FSD2: variants seen among roughly 807,000 people sequenced by gnomAD.
FSD2 encodes fibronectin type III and SPRY domain-containing protein 2.
In FSD2, 71 loss-of-function variants were observed where a neutral mutation model predicts 80.4. The observed-to-expected ratio is 0.88, with a 90% CI of 0.73 to 1.08. The LOEUF is 1.08. Ranked by LOEUF, FSD2 falls within the 50% of genes least tolerant of loss-of-function variation. The pLI is 0.00. For synonymous variants in FSD2, 361 were observed against 329.5 expected, an observed-to-expected ratio of 1.10 and a Z score of -1.03; for missense variants, 923 against 913.8, an observed-to-expected ratio of 1.01 and a Z score of -0.13.
chr15:82,789,454 A>T (rs372952450), intron 1 of FSD2, among the ~76,000 whole-genome samples: 2 of 151,912 alleles, frequency 1.3e-5, no homozygotes, highest in Non-Finnish European at 2.9e-5. Flanking sequence ...TAGGCAGTTT[A>T]TATATACATT....
At chr15:82,791,328 T>C (rs758099875) in intron 1 of FSD2, among the ~76,000 whole-genome samples, 2 of 151,622 alleles carry the variant, frequency 1.3e-5, no homozygotes, top group Non-Finnish European at 2.9e-5. Context: ...CTCACACATA[T>C]GTGCAGTGAT....
rs191890763 is a variant in FSD2 at position 82,797,942 on chromosome 15, A to T, written c.-79+8024T>A. ...AAAAGAGTTTAATATTCAGAGATGT[A>T]TGGTCCCAGGAGAACAAGAGAAAAT... On this transcript the variant is annotated intron_variant, in intron 1 of 12. Transcript: ENST00000334574. Among the ~76,000 whole-genome samples the T allele has an allele frequency of 1.1e-4, 17 of 152,318 alleles. No homozygotes were observed. In the East Asian group the frequency reaches 3.3e-3, roughly 29 times the overall value.
rs1176070936 is a variant in FSD2 at position 82,756,888 on chromosome 15, C to G, written c.*2460G>C. ...TAATTTTTAAAAACTCTTTTTTTTGCTTTGTTTTTTAACAGACTTATCAGC... is the reference window on the plus strand; with the variant it reads ...TAATTTTTAAAAACTCTTTTTTTTGGTTTGTTTTTTAACAGACTTATCAGC... On this transcript the variant is annotated 3_prime_UTR_variant, in exon 13 of 13. Transcript: ENST00000334574. 1 of 151,962 alleles carries G rather than the reference C, an allele frequency of 6.6e-6. No individual in the cohort carries two copies. The highest frequency in any genetic ancestry group is 2.4e-5 in the African/African-American group (1 of 41,400). The allele number at this position is 151,962 out of a possible 1,614,324, so 9.4% of individuals were successfully genotyped here.
intron 7 of FSD2, among the ~76,000 whole-genome samples, chr15:82,770,539 C>T (rs948618587): frequency 2.6e-5 from 4 of 152,114 alleles, no homozygotes; most frequent in African/African-American, 9.7e-5. Context: ...GGCGTGGTGG[C>T]ATTTGCCTGT....
At chr15:82,760,147 T>C (rs982822946) in intron 12 of FSD2, among the ~76,000 whole-genome samples, 1 of 152,176 alleles carries the variant, frequency 6.6e-6, no homozygotes, top group East Asian at 1.9e-4. Context: ...CCTAAGAAAT[T>C]TACCTATAGC....
intron 9 of FSD2, among the ~76,000 whole-genome samples, chr15:82,768,575 C>T (rs2049478743): frequency 6.6e-6 from 1 of 151,412 alleles, no homozygotes; most frequent in Admixed American, 6.6e-5. Flanking sequence ...CCTGACACCA[C>T]CCAGGCACTC....
intron 1 of FSD2, among the ~76,000 whole-genome samples, chr15:82,801,191 G>C (rs892476968): frequency 6.6e-6 from 1 of 152,182 alleles, no homozygotes; most frequent in Non-Finnish European, 1.5e-5. Context: ...AAGAACCCAG[G>C]ATGCTGGAAA....
At chr15:82,798,958 G>A (rs1426563122) in intron 1 of FSD2, among the ~76,000 whole-genome samples, 1 of 141,844 alleles carries the variant, frequency 7.1e-6, no homozygotes, top group Non-Finnish European at 1.5e-5. Flanking sequence ...GCTCACTGCA[G>A]CCTTGACCTT....
Position 82,772,095 on chromosome 15 carries a change from G to A in FSD2, c.1245C>T (p.Ser415=), listed in dbSNP as rs1055730919. The part of the protein sequence containing the change: ...YQLSYRPVQD[S]SPGTDQAEFT... ...CACCTGCTTGGTCCGTCCCAGGTGA[G>A]CTGTCCTGCACTGGCCGGTAGGACA... The change falls in exon 7 of 13, where the codon AGC becomes AGT. Residue 415 remains serine (S), a synonymous_variant. Coordinates refer to ENST00000334574, the MANE Select transcript of FSD2 (RefSeq NM_001007122.4). 3.2e-5 allele frequency: 51 copies of A among 1,585,312 alleles called. No homozygotes were observed. Among genetic ancestry groups the A allele is most frequent in the Non-Finnish European group, 4.4e-5 (51 of 1,169,710 alleles).
At chr15:82,805,236 C>T (rs1023751141) in intron 1 of FSD2, among the ~76,000 whole-genome samples, 1 of 148,410 alleles carries the variant, frequency 6.7e-6, no homozygotes, top group Admixed American at 6.8e-5. Context: ...CCTCACTTGG[C>T]TTGTTTATTA....
intron 1 of FSD2, among the ~76,000 whole-genome samples, chr15:82,799,490 T>C (rs1156504619): frequency 6.6e-6 from 1 of 152,176 alleles, no homozygotes; most frequent in Non-Finnish European, 1.5e-5. Context: ...TTCTGAGGGC[T>C]CCAAATCCAT....
At chr15:82,780,410 C>T (rs2049826438) in intron 4 of FSD2, 143 bp from the exon 5 acceptor site, 1 of 570,770 alleles carries the variant, frequency 1.8e-6, no homozygotes, top group Admixed American at 3.6e-5. Flanking sequence ...TCTCGGCTCA[C>T]TGCAACCTCC....
chr15:82,788,957 C>A (rs946894545), intron 1 of FSD2, among the ~76,000 whole-genome samples: 2 of 148,668 alleles, frequency 1.3e-5, no homozygotes, highest in South Asian at 2.2e-4. Context: ...CCAGCCTGGG[C>A]GACAGAGCAA....
chr15:82,800,628 G>T (rs186948105), intron 1 of FSD2, among the ~76,000 whole-genome samples: 4 of 140,618 alleles, frequency 2.8e-5, no homozygotes, highest in African/African-American at 2.7e-5. Flanking sequence ...GAAGGCAAAC[G>T]TTGCAGCGAG....
At chr15:82,770,196 A>G (rs1350051681) in intron 7 of FSD2, among the ~76,000 whole-genome samples, 1 of 152,200 alleles carries the variant, frequency 6.6e-6, no homozygotes, top group Non-Finnish European at 1.5e-5. Context: ...TGCTTCCACT[A>G]CCACGTGAGC....
At chr15:82,776,211 C>T (rs942461514) in intron 6 of FSD2, among the ~76,000 whole-genome samples, 1 of 152,110 alleles carries the variant, frequency 6.6e-6, no homozygotes, top group African/African-American at 2.4e-5. Flanking sequence ...TTCTTGAGCC[C>T]AGGAGTTGGA....
chr15:82,799,789 A>G (rs1252294840), intron 1 of FSD2, among the ~76,000 whole-genome samples: 2 of 152,212 alleles, frequency 1.3e-5, no homozygotes, highest in Non-Finnish European at 2.9e-5. Flanking sequence ...GGTTAAACGT[A>G]GAGTCAGAAA....
At position 82,787,171 on chromosome 15, in the gene FSD2, G is replaced by A. The variant is rs1049899411; in HGVS notation, c.220C>T (p.Leu74Phe). Residue 74 changes from leucine to phenylalanine, a missense_variant, in exon 2 of 13, where the codon CTT becomes TTT. Coordinates refer to ENST00000334574, the MANE Select transcript of FSD2 (RefSeq NM_001007122.4). ...QRDLQEEVDE[L>F]VHLYGLEDDH... The stretch of plus-strand genomic sequence containing the variant: ...TCTTCAAGTCCATATAAGTGGACAA[G>A]TTCATCCACTTCCTCTTGAAGGTCT... The A allele has an allele frequency of 6.2e-7, 1 of 1,613,930 alleles. No homozygotes were observed. Among genetic ancestry groups the A allele is most frequent in the East Asian group, 2.2e-5 (1 of 44,880 alleles).
intron 11 of FSD2, among the ~76,000 whole-genome samples, chr15:82,762,621 G>A (rs897534401): frequency 1.3e-5 from 2 of 152,132 alleles, no homozygotes; most frequent in African/African-American, 4.8e-5. Context: ...AACACAGCAC[G>A]GTTAAGGGAA....
Sources: gnomAD v4.1 joint callset for allele counts (sites outside exome capture counted in the v4.1 genomes callset) on GRCh38, gnomAD v4.1.1 for gene constraint, MANE v1.5 for transcripts, NCBI Gene and HGNC (gene_info 2026-07-23, HGNC 2026-07-21) for gene names.